Variants in PTPRZ1 observed in about 807,000 individuals in gnomAD.
The protein encoded by PTPRZ1 is receptor-type tyrosine-protein phosphatase zeta.
PTPRZ1 carries 82 observed loss-of-function variants against 214.1 expected under a neutral mutation model. The ratio of observed to expected loss-of-function variants is 0.38; its 90% confidence interval spans 0.32 to 0.46. The LOEUF (loss-of-function observed/expected upper bound fraction) is 0.46, where lower values mean the gene tolerates loss of function less well. Ranked by LOEUF, PTPRZ1 falls within the 20% of genes least tolerant of loss-of-function variation. The pLI is 1.00. For missense variants in PTPRZ1, 2,603 were observed against 2,748.7 expected, an observed-to-expected ratio of 0.95 and a Z score of 1.19; for synonymous variants, 945 against 987.9, an observed-to-expected ratio of 0.96 and a Z score of 0.81.
chr7:121,997,113 C>G (rs975341418), intron 9 of PTPRZ1, among the ~76,000 whole-genome samples: 1 of 152,128 alleles, frequency 6.6e-6, no homozygotes, highest in South Asian at 2.1e-4. Flanking sequence ...GTACAGATTC[C>G]CTTTGTGGCC....
rs565457860 is a variant in PTPRZ1 at position 122,010,363 on chromosome 7, A to G, written c.1317A>G (p.Glu439=). 6.2e-7 allele frequency: 1 copy of G among 1,609,888 alleles called. No homozygotes were observed. Among genetic ancestry groups the G allele is most frequent in the South Asian group, 1.1e-5 (1 of 89,996 alleles). Residue 439 remains glutamate, a synonymous_variant, in exon 12 of 30, where the codon GAA becomes GAG. Coordinates refer to ENST00000393386, the MANE Select transcript of PTPRZ1 (RefSeq NM_002851.3). ...AGGAAGAGGGAAAAGACATTGAAGAAGGCGCTATTGTGAATCCTGGTAGAG... is the reference window on the plus strand; with the variant it reads ...AGGAAGAGGGAAAAGACATTGAAGAGGGCGCTATTGTGAATCCTGGTAGAG... ...KEEEEGKDIE[E]GAIVNPGRDS...
At chr7:122,034,783 A>T (rs1218032470) in intron 17 of PTPRZ1, among the ~76,000 whole-genome samples, 3 of 151,902 alleles carry the variant, frequency 2.0e-5, no homozygotes. Flanking sequence ...TTCTACCTTT[A>T]CCTGTTTCCT....
intron 2 of PTPRZ1, among the ~76,000 whole-genome samples, chr7:121,957,988 A>G (rs1796760827): frequency 6.6e-6 from 1 of 152,146 alleles, no homozygotes; most frequent in Admixed American, 6.5e-5. Flanking sequence ...TCAACTTTCC[A>G]TAACTTCAAA....
chr7:122,038,690 C>T (rs2150476662), intron 18 of PTPRZ1, 65 bp from the exon 19 acceptor site: 2 of 1,489,662 alleles, frequency 1.3e-6, no homozygotes, highest in South Asian at 1.3e-5. Context: ...AAAACTTAGG[C>T]ATTGTACAGT....
At chr7:121,931,111 G>A (rs964462597) in intron 2 of PTPRZ1, among the ~76,000 whole-genome samples, 6 of 152,124 alleles carry the variant, frequency 3.9e-5, no homozygotes, top group Admixed American at 3.3e-4. Flanking sequence ...GAGTATTAAA[G>A]TTCTACATGT....
intron 23 of PTPRZ1, 63 bp from the exon 24 acceptor site, chr7:122,051,365 G>T: frequency 9.5e-7 from 1 of 1,053,830 alleles, no homozygotes; most frequent in African/African-American, 1.6e-5. Flanking sequence ...ATGTATGTGT[G>T]TGTGTGTGTA....
chr7:122,013,298 G>A lies in PTPRZ1; in HGVS notation c.4252G>A (p.Asp1418Asn). ...SDAGLVGGGE[D>N]GDTDDDGDDD... ...TGCCGGTTTAGTGGGTGGTGGTGAAGATGGTGACACTGATGATGATGGTGA... is the reference window on the plus strand; with the variant it reads ...TGCCGGTTTAGTGGGTGGTGGTGAAAATGGTGACACTGATGATGATGGTGA... The change falls in exon 12 of 30, where the codon GAT becomes AAT. Residue 1418 changes from aspartate (D) to asparagine (N), a missense_variant. Asp to Asn is a conservative substitution (Grantham distance 23, BLOSUM62 1). Coordinates refer to ENST00000393386, the MANE Select transcript of PTPRZ1 (RefSeq NM_002851.3). 6.2e-7 allele frequency: 1 copy of A among 1,607,066 alleles called. No individual in the cohort carries two copies. The highest frequency in any genetic ancestry group is 8.5e-7 in the Non-Finnish European group (1 of 1,178,282).
intron 2 of PTPRZ1, among the ~76,000 whole-genome samples, chr7:121,940,890 C>T (rs1431509726): frequency 6.6e-6 from 1 of 151,990 alleles, no homozygotes; most frequent in Non-Finnish European, 1.5e-5. Context: ...CTCATGATTA[C>T]CTTCCCCCTG....
intron 26 of PTPRZ1, among the ~76,000 whole-genome samples, 185 bp downstream of exon 26, chr7:122,054,223 T>A (rs1792279722): frequency 6.6e-6 from 1 of 152,146 alleles, no homozygotes; most frequent in South Asian, 2.1e-4. Context: ...GTCAAAGTGA[T>A]GAATAAAAGT....
chr7:121,965,724 A>C (rs978401409), intron 2 of PTPRZ1, among the ~76,000 whole-genome samples: 1 of 152,198 alleles, frequency 6.6e-6, no homozygotes, highest in Non-Finnish European at 1.5e-5. Context: ...TAGGGTGGAA[A>C]TTTTGGGAGC....
chr7:122,061,032 G>A, intron 29 of PTPRZ1, 48 bp from the exon 30 acceptor site: 1 of 1,515,052 alleles, frequency 6.6e-7, no homozygotes, highest in Non-Finnish European at 9.0e-7. Flanking sequence ...ACAAATGTAT[G>A]TCTTCACTGA....
chr7:121,922,320 GC>G (rs1379891320), intron 1 of PTPRZ1, among the ~76,000 whole-genome samples: 1 of 152,198 alleles, frequency 6.6e-6, no homozygotes, highest in Non-Finnish European at 1.5e-5. Context: ...ATTTTGGGAT[GC>G]CAAGGCGGGC....
chr7:122,017,584 T>C (rs534461398), intron 12 of PTPRZ1, among the ~76,000 whole-genome samples: 1 of 150,270 alleles, frequency 6.7e-6, no homozygotes, highest in South Asian at 2.1e-4. Flanking sequence ...TATTTTGAGA[T>C]AGAGTCTCAC....
chr7:122,004,252 T>C (rs953345039), intron 10 of PTPRZ1, among the ~76,000 whole-genome samples: 6 of 152,144 alleles, frequency 3.9e-5, no homozygotes, highest in Non-Finnish European at 8.8e-5. Context: ...ATGAAATAAC[T>C]CTGTACTGAT....
At chr7:122,024,896 C>T (rs1340850975) in intron 13 of PTPRZ1, among the ~76,000 whole-genome samples, 1 of 152,144 alleles carries the variant, frequency 6.6e-6, no homozygotes. Context: ...TCCATCTGCC[C>T]ATCCAGCCAC....
chr7:121,880,983 C>A (rs1794221408), intron 1 of PTPRZ1, among the ~76,000 whole-genome samples: 1 of 152,246 alleles, frequency 6.6e-6, no homozygotes, highest in African/African-American at 2.4e-5. Flanking sequence ...TCAATCCTGG[C>A]TGCATTTTGA....
chr7:121,977,426 A>G (rs759358942), intron 6 of PTPRZ1, among the ~76,000 whole-genome samples: 4 of 152,220 alleles, frequency 2.6e-5, no homozygotes, highest in Non-Finnish European at 5.9e-5. Flanking sequence ...TGCTTTTAAC[A>G]ACATGGGCAG....
chr7:122,059,466 ACT>A, intron 28 of PTPRZ1: 1 of 210,462 alleles, frequency 4.8e-6, no homozygotes. Flanking sequence ...TTTATATGAT[ACT>A]CTCAGGTTTT....
At chr7:121,910,495 T>G (rs1299159614) in intron 1 of PTPRZ1, among the ~76,000 whole-genome samples, 2 of 152,102 alleles carry the variant, frequency 1.3e-5, no homozygotes. Flanking sequence ...CCTATATATA[T>G]ATATGAAACA....
Sources: allele counts gnomAD v4.1 joint callset (sites outside exome capture counted in the v4.1 genomes callset), GRCh38; gene constraint gnomAD v4.1.1; transcripts MANE v1.5; gene names NCBI Gene and HGNC (gene_info 2026-07-23, HGNC 2026-07-21).